PTPRN2: variants seen among roughly 807,000 people sequenced by gnomAD.
The protein encoded by PTPRN2 is protein tyrosine phosphatase receptor type N2.
A neutral mutation model predicts 118.8 loss-of-function variants in PTPRN2; 74 were observed. That is an observed-to-expected ratio of 0.62 (90% confidence interval 0.52 to 0.76). The LOEUF is 0.76. Among genes scored for constraint, PTPRN2 ranks in the 30% least tolerant of loss-of-function variants. The pLI is 0.00. For missense variants in PTPRN2, 1,481 were observed against 1,394.4 expected, an observed-to-expected ratio of 1.06 and a Z score of -0.99; for synonymous variants, 641 against 608.0, an observed-to-expected ratio of 1.05 and a Z score of -0.80.
At chr7:158,392,399 G>A (rs542512864) in intron 2 of PTPRN2, among the ~76,000 whole-genome samples, 11 of 152,294 alleles carry the variant, frequency 7.2e-5, no homozygotes, top group Admixed American at 3.3e-4. Flanking sequence ...CTGTCCATGC[G>A]TCAGCTCACA....
chr7:157,971,624 C>A (rs987018985), intron 11 of PTPRN2, among the ~76,000 whole-genome samples: 1 of 151,586 alleles, frequency 6.6e-6, no homozygotes, highest in African/African-American at 2.4e-5. Flanking sequence ...CCCTGTTTTA[C>A]GATTAAGTGC....
chr7:158,234,638 T>C (rs1240886214), intron 3 of PTPRN2, among the ~76,000 whole-genome samples: 2 of 151,858 alleles, frequency 1.3e-5, no homozygotes, highest in Non-Finnish European at 2.9e-5. Context: ...AGTCATCAAA[T>C]AAAAACATAT....
intron 12 of PTPRN2, among the ~76,000 whole-genome samples, chr7:157,725,082 A>T (rs1365303510): frequency 1.3e-5 from 2 of 152,268 alleles, no homozygotes; most frequent in Non-Finnish European, 2.9e-5. Flanking sequence ...CTGACTTTTA[A>T]AAAACCTGTG....
At chr7:157,717,008 C>A (rs71538050) in intron 12 of PTPRN2, among the ~76,000 whole-genome samples, 2 of 113,620 alleles carry the variant, frequency 1.8e-5, no homozygotes, top group South Asian at 3.5e-4. Flanking sequence ...GTAGACTCTG[C>A]GGGAACACTG....
At position 158,115,932 on chromosome 7, in the gene PTPRN2, A is replaced by C. The variant is rs549122064; in HGVS notation, c.1557-5017T>G. 1.1e-4 allele frequency among the ~76,000 whole-genome samples: 16 copies of C among 152,272 alleles called. No individual in the cohort carries two copies. In the South Asian group the frequency reaches 3.3e-3, roughly 32 times the overall value. ...CATCCCTCACACTCCACCCTGTGCC[A>C]CCCTCAGATGGAACAGGGAAGGAGC... On this transcript the variant is annotated intron_variant, in intron 9 of 22. Transcript: ENST00000389418.
intron 2 of PTPRN2, among the ~76,000 whole-genome samples, chr7:158,465,032 A>G (rs1372491340): frequency 3.3e-5 from 5 of 152,258 alleles, no homozygotes; most frequent in African/African-American, 1.2e-4. Context: ...TACAGAGGCT[A>G]TGGTGTTCTT....
intron 10 of PTPRN2, among the ~76,000 whole-genome samples, chr7:158,091,564 G>A (rs1227852198): frequency 6.6e-6 from 1 of 151,722 alleles, no homozygotes; most frequent in Non-Finnish European, 1.5e-5. Context: ...CCCATAACAT[G>A]AATAGATGGG....
chr7:158,032,465 G>T (rs1007881080), intron 11 of PTPRN2, among the ~76,000 whole-genome samples: 1 of 152,162 alleles, frequency 6.6e-6, no homozygotes. Context: ...CAAAATGACA[G>T]GAGGAAGGCC....
intron 1 of PTPRN2, among the ~76,000 whole-genome samples, chr7:158,524,444 CTGG>C: frequency 1.8e-5 from 1 of 56,756 alleles, no homozygotes; most frequent in African/African-American, 7.0e-5. Flanking sequence ...GTCGTCTACC[CTGG>C]AGCGGAGTCT....
chr7:158,378,545 G>A (rs76757264), intron 2 of PTPRN2, among the ~76,000 whole-genome samples: 2,602 of 152,200 alleles, frequency 0.017, 84 homozygotes, highest in African/African-American at 0.06. Context: ...CCTCTATTGC[G>A]AATGCCCTGA....
chr7:158,342,739 T>C (rs71547528), intron 2 of PTPRN2, among the ~76,000 whole-genome samples: 36,852 of 152,062 alleles, frequency 0.24, 4,737 homozygotes, highest in Middle Eastern at 0.32. Context: ...GGTGCCTTGC[T>C]GGAGCCCATA....
chr7:158,465,612 A>C (rs1819332697), intron 2 of PTPRN2, among the ~76,000 whole-genome samples: 1 of 152,230 alleles, frequency 6.6e-6, no homozygotes, highest in Non-Finnish European at 1.5e-5. Context: ...AAGCAAACTG[A>C]GGCTTAGAAA....
chr7:157,942,515 T>G (rs1025252072), intron 11 of PTPRN2, among the ~76,000 whole-genome samples: 2 of 152,068 alleles, frequency 1.3e-5, no homozygotes, highest in African/African-American at 4.8e-5. Flanking sequence ...TTGGGAAGTA[T>G]GCAAATGAGT....
Position 158,570,909 on chromosome 7 carries a change from T to C in PTPRN2, c.112+16649A>G, listed in dbSNP as rs997898173. 1.3e-5 allele frequency among the ~76,000 whole-genome samples: 2 copies of C among 152,190 alleles called. No individual in the cohort carries two copies. The highest frequency in any genetic ancestry group is 4.8e-5 in the African/African-American group (2 of 41,448). ...TGGACCTGGTTACCTCTGGCCTTCC[T>C]CTGCTCAGAAGCCCACCCCTGCAGA... On this transcript the variant is annotated intron_variant, in intron 1 of 22. Transcript: ENST00000389418. The surrounding 1 kb of genome is among the most constrained non-coding windows in gnomAD (Gnocchi z 4.5).
intron 3 of PTPRN2, among the ~76,000 whole-genome samples, chr7:158,288,284 T>A (rs950360724): frequency 2.0e-5 from 3 of 152,174 alleles, no homozygotes; most frequent in African/African-American, 7.2e-5. Flanking sequence ...CCATTTACAT[T>A]CACAGTAATT....
intron 12 of PTPRN2, among the ~76,000 whole-genome samples, chr7:157,879,373 G>A (rs925514372): frequency 7.2e-5 from 11 of 152,168 alleles, no homozygotes; most frequent in Admixed American, 3.3e-4. Context: ...ACGCATGCAC[G>A]TGCATGTGCA....
At position 158,169,417 on chromosome 7, in the gene PTPRN2, A is replaced by AGTGTGTGTGTGT. The variant is rs375257745; in HGVS notation, c.550-2138_550-2127dup. On this transcript the variant is annotated intron_variant, in intron 5 of 22. Transcript: ENST00000389418. The stretch of plus-strand genomic sequence containing the variant: ...ACCACCATACCTGGCTGCTTTTGTG[A>AGTGTGTGTGTGT]GTGTGTGTGTGTGTGTGTGTGTGTG... 5.2e-3 allele frequency among the ~76,000 whole-genome samples: 710 copies of AGTGTGTGTGTGT among 136,612 alleles called. 4 individuals carry two copies. The highest frequency in any genetic ancestry group is 7.8e-3 in the Middle Eastern group (2 of 258). The allele number at this position is 136,612 out of a possible 152,430, so 89.6% of individuals were successfully genotyped here.
chr7:158,080,203 G>C (rs1812688515), intron 11 of PTPRN2, among the ~76,000 whole-genome samples: 1 of 151,356 alleles, frequency 6.6e-6, no homozygotes, highest in Admixed American at 6.6e-5. Flanking sequence ...CAAGTTTACA[G>C]GGTGCCAGTA....
chr7:158,119,370 C>G (rs900078931), intron 9 of PTPRN2, among the ~76,000 whole-genome samples: 1 of 152,146 alleles, frequency 6.6e-6, no homozygotes, highest in Non-Finnish European at 1.5e-5. Context: ...GAAAAAAACC[C>G]AGAAAATAGT....
Sources: gnomAD v4.1 joint callset for allele counts (sites outside exome capture counted in the v4.1 genomes callset) on GRCh38, gnomAD v4.1.1 for gene constraint, Gnocchi (gnomAD v3.1) non-coding constraint, MANE v1.5 for transcripts, NCBI Gene and HGNC (gene_info 2026-07-23, HGNC 2026-07-21) for gene names.